ZNF469: variants seen among roughly 807,000 people sequenced by gnomAD.
ZNF469 encodes the protein zinc finger protein 469.
ZNF469 carries 1 observed loss-of-function variant against 1.0 expected under a neutral mutation model. That is an observed-to-expected ratio of 1.00 (90% CI 0.35 to 4.73). ZNF469 has a LOEUF of 4.73. ZNF469 is among the 30% of genes most tolerant of loss of function. The probability of loss-of-function intolerance (pLI) is 0.16; values close to 1 mark genes in which losing one functional copy is unlikely to be tolerated. For synonymous variants in ZNF469, 2,703 were observed against 2,363.4 expected, an observed-to-expected ratio of 1.14 and a Z score of -4.17; for missense variants, 6,100 against 5,356.3, an observed-to-expected ratio of 1.14 and a Z score of -4.33.
chr16:88,159,449 C>A, the ZNF469 span, among the ~76,000 whole-genome samples: 1 of 152,124 alleles, frequency 6.6e-6, no homozygotes, highest in Non-Finnish European at 1.5e-5. Flanking sequence ...CAGGCCATGG[C>A]TCTGTGGATC....
At chr16:88,102,051 TCACCCCCCCA>T in the ZNF469 span, among the ~76,000 whole-genome samples, 1 of 120,498 alleles carries the variant, frequency 8.3e-6, no homozygotes, top group South Asian at 3.1e-4. Flanking sequence ...GAAGTGACAT[TCACCCCCCCA>T]CCCCCGCCCC....
the ZNF469 span, among the ~76,000 whole-genome samples, chr16:88,248,331 C>T: frequency 3.3e-5 from 5 of 152,174 alleles, no homozygotes; most frequent in Admixed American, 1.3e-4. Context: ...CAAATGGATC[C>T]GTGTCTTTGA....
intron 1 of ZNF469, among the ~76,000 whole-genome samples, chr16:88,407,993 G>T (rs1218937312): frequency 2.0e-5 from 3 of 152,248 alleles, no homozygotes; most frequent in Admixed American, 6.5e-5. Context: ...CCCAGGTCAT[G>T]GAAGAGACAA....
the ZNF469 span, among the ~76,000 whole-genome samples, chr16:88,140,447 C>T: frequency 6.7e-6 from 1 of 148,956 alleles, no homozygotes; most frequent in African/African-American, 2.5e-5. Flanking sequence ...AGGACGGAGC[C>T]ACGTAGAAAT....
At chr16:88,367,076 G>C in the ZNF469 span, among the ~76,000 whole-genome samples, 1 of 152,212 alleles carries the variant, frequency 6.6e-6, no homozygotes, top group Non-Finnish European at 1.5e-5. Flanking sequence ...TTGAGGGCAA[G>C]ATCCATGTCT....
At chr16:88,221,446 G>C in the ZNF469 span, among the ~76,000 whole-genome samples, 2 of 152,252 alleles carry the variant, frequency 1.3e-5, no homozygotes, top group African/African-American at 4.8e-5. Flanking sequence ...TCCCCGAGGA[G>C]GTTGTGGGGC....
the ZNF469 span, among the ~76,000 whole-genome samples, chr16:88,261,838 C>T: frequency 6.6e-6 from 1 of 152,274 alleles, no homozygotes; most frequent in South Asian, 2.1e-4. This position sits in a 1 kb window ranked among gnomAD's most constrained non-coding sequence, Gnocchi z 6.0. Flanking sequence ...AGGGTGAAGG[C>T]TCTTTGCTGG....
chr16:88,344,464 C>G, the ZNF469 span, among the ~76,000 whole-genome samples: 2 of 151,598 alleles, frequency 1.3e-5, no homozygotes, highest in Non-Finnish European at 2.9e-5. Context: ...TATTGAAGAG[C>G]CATTGGGCTG....
At chr16:88,114,237 A>G in the ZNF469 span, among the ~76,000 whole-genome samples, 4 of 129,144 alleles carry the variant, frequency 3.1e-5, no homozygotes, top group Admixed American at 8.4e-5. Context: ...AATGACAGGG[A>G]CCACACTCAC....
At chr16:88,319,745 G>A in the ZNF469 span, among the ~76,000 whole-genome samples, 1 of 152,232 alleles carries the variant, frequency 6.6e-6, no homozygotes, top group African/African-American at 2.4e-5. Flanking sequence ...CACGCTGAGT[G>A]GTCAGGAGCC....
the ZNF469 span, among the ~76,000 whole-genome samples, chr16:88,350,667 G>T: frequency 6.6e-6 from 1 of 152,232 alleles, no homozygotes; most frequent in Non-Finnish European, 1.5e-5. Flanking sequence ...GATGGGAGAA[G>T]ATCCCAGGGC....
At chr16:88,380,501 TCA>T (rs534368602), upstream of ZNF469, among the ~76,000 whole-genome samples, 14,570 of 121,358 alleles carry the variant, frequency 0.12, 1,107 homozygotes, top group Middle Eastern at 0.23. Context: ...ACACATGCAC[TCA>T]CACAGACATG....
the ZNF469 span, among the ~76,000 whole-genome samples, chr16:88,199,945 G>T: frequency 6.6e-6 from 1 of 152,234 alleles, no homozygotes; most frequent in African/African-American, 2.4e-5. Context: ...TCTCTACCAG[G>T]CAGGGCCGAG....
chr16:88,321,126 C>A, the ZNF469 span, among the ~76,000 whole-genome samples: 3 of 152,280 alleles, frequency 2.0e-5, no homozygotes, highest in African/African-American at 7.2e-5. Context: ...CCCGGGGATG[C>A]CGCAGGGACC....
At chr16:88,132,334 C>T in the ZNF469 span, among the ~76,000 whole-genome samples, 9 of 152,380 alleles carry the variant, frequency 5.9e-5, no homozygotes, top group South Asian at 2.1e-4. Flanking sequence ...CGGCTCCCCG[C>T]GGTGACTGGC....
chr16:88,163,761 A>G, the ZNF469 span, among the ~76,000 whole-genome samples: 3 of 151,712 alleles, frequency 2.0e-5, no homozygotes, highest in Non-Finnish European at 4.4e-5. Context: ...AAGTGGATGA[A>G]TGGATCGGTG....
the ZNF469 span, among the ~76,000 whole-genome samples, chr16:88,324,686 T>C: frequency 6.6e-6 from 1 of 152,220 alleles, no homozygotes; most frequent in South Asian, 2.1e-4. Context: ...CTTTTAAGTA[T>C]GTGCGAATTA....
At chr16:88,407,445 C>T (rs1409016354) in intron 1 of ZNF469, among the ~76,000 whole-genome samples, 1 of 152,200 alleles carries the variant, frequency 6.6e-6, no homozygotes, top group African/African-American at 2.4e-5. Flanking sequence ...ATAGCGTGGC[C>T]GATGACGCAC....
the ZNF469 span, among the ~76,000 whole-genome samples, chr16:88,134,411 G>A: frequency 6.6e-6 from 1 of 152,208 alleles, no homozygotes; most frequent in African/African-American, 2.4e-5. Flanking sequence ...AGAGGTCTGC[G>A]TGGTTGCACC....
Sources: gnomAD v4.1 joint callset for allele counts (sites outside exome capture counted in the v4.1 genomes callset) on GRCh38, gnomAD v4.1.1 for gene constraint, Gnocchi (gnomAD v3.1) non-coding constraint, MANE v1.5 for transcripts, NCBI Gene and HGNC (gene_info 2026-07-23, HGNC 2026-07-21) for gene names.